Variants in AFG2A observed in about 807,000 individuals in gnomAD.
AFG2A encodes the protein AAA ATPase AFG2A.
At chr4:123,131,970 C>G in the AFG2A span, among the ~76,000 whole-genome samples, 1 of 91,306 alleles carries the variant, frequency 1.1e-5, no homozygotes, top group African/African-American at 2.7e-5. Flanking sequence ...ATTTCTGATT[C>G]TTTTCTTTTT....
chr4:123,177,219 A>G, the AFG2A span, among the ~76,000 whole-genome samples: 12 of 130,720 alleles, frequency 9.2e-5, 1 homozygote, highest in Admixed American at 2.5e-4. Context: ...TTTGAGACGG[A>G]GTCTTACTCT....
chr4:123,048,797 T>TA, the AFG2A span, among the ~76,000 whole-genome samples: 3 of 152,122 alleles, frequency 2.0e-5, no homozygotes, highest in Non-Finnish European at 2.9e-5. Context: ...CATATGAGAT[T>TA]ATGTCATCTG....
the AFG2A span, among the ~76,000 whole-genome samples, chr4:123,194,559 G>A: frequency 6.6e-6 from 1 of 152,104 alleles, no homozygotes; most frequent in Non-Finnish European, 1.5e-5. Flanking sequence ...GTGAGGAAAA[G>A]CAAATCTGTC....
At chr4:123,016,038 G>T in the AFG2A span, among the ~76,000 whole-genome samples, 1 of 16,684 alleles carries the variant, frequency 6.0e-5, no homozygotes, top group African/African-American at 1.1e-4. Context: ...GCGGGGGGCT[G>T]ACCCCCCCAC....
the AFG2A span, among the ~76,000 whole-genome samples, chr4:122,967,543 T>C: frequency 6.6e-6 from 1 of 152,236 alleles, no homozygotes; most frequent in Non-Finnish European, 1.5e-5. Context: ...TCTTTGTGAA[T>C]ACTTTAAATC....
At chr4:122,952,675 A>C in the AFG2A span, among the ~76,000 whole-genome samples, 1 of 152,178 alleles carries the variant, frequency 6.6e-6, no homozygotes, top group African/African-American at 2.4e-5. Context: ...AGAAGTTAGC[A>C]CGATATCATC....
chr4:123,046,696 A>G, the AFG2A span, among the ~76,000 whole-genome samples: 1 of 152,146 alleles, frequency 6.6e-6, no homozygotes, highest in Non-Finnish European at 1.5e-5. Flanking sequence ...AATTGTTGTT[A>G]ACTATGATGT....
At chr4:123,090,619 C>T in the AFG2A span, 1 of 1,614,130 alleles carries the variant, frequency 6.2e-7, no homozygotes, top group Non-Finnish European at 8.5e-7. Context: ...TGTTTTGGCT[C>T]AGCTCTTAAC....
chr4:123,028,371 T>C, the AFG2A span: 128 of 1,613,804 alleles, frequency 7.9e-5, no homozygotes, highest in Non-Finnish European at 8.7e-5. Context: ...CCAATGAGAG[T>C]GGACTGAATT....
the AFG2A span, among the ~76,000 whole-genome samples, chr4:123,226,119 G>A: frequency 1.0e-3 from 155 of 152,232 alleles, no homozygotes; most frequent in Non-Finnish European, 1.7e-3. Flanking sequence ...GGGCTGAGAC[G>A]AAGGGGTTTT....
the AFG2A span, among the ~76,000 whole-genome samples, chr4:123,076,621 TAAAC>T: frequency 2.0e-5 from 3 of 151,598 alleles, no homozygotes; most frequent in African/African-American, 4.8e-5. Flanking sequence ...TGGGGGGTGA[TAAAC>T]AAGTAAACAT....
the AFG2A span, among the ~76,000 whole-genome samples, chr4:123,275,833 T>C: frequency 3.9e-5 from 6 of 152,234 alleles, no homozygotes; most frequent in Non-Finnish European, 8.8e-5. Flanking sequence ...TCTTGTTTTT[T>C]ATGGCTGCGT....
the AFG2A span, among the ~76,000 whole-genome samples, chr4:123,200,946 A>G: frequency 1.3e-5 from 2 of 152,246 alleles, no homozygotes; most frequent in Non-Finnish European, 1.5e-5. Context: ...TTAAAAATAC[A>G]GTTTAGAGAG....
chr4:123,312,043 T>C, the AFG2A span, among the ~76,000 whole-genome samples: 1 of 152,326 alleles, frequency 6.6e-6, no homozygotes, highest in African/African-American at 2.4e-5. Flanking sequence ...ACCCCCGCCC[T>C]GGCCACCATG....
chr4:122,948,387 T>TATACAC, the AFG2A span, among the ~76,000 whole-genome samples: 1 of 129,618 alleles, frequency 7.7e-6, no homozygotes, highest in South Asian at 2.8e-4. Flanking sequence ...CTCCAGAGTA[T>TATACAC]ACACACACAC....
At chr4:123,022,215 C>T in the AFG2A span, among the ~76,000 whole-genome samples, 1 of 151,524 alleles carries the variant, frequency 6.6e-6, no homozygotes, top group Non-Finnish European at 1.5e-5. Context: ...AGAGCTTCTG[C>T]ACAGCAAAAG....
chr4:123,039,368 CA>C, the AFG2A span, among the ~76,000 whole-genome samples: 1 of 152,018 alleles, frequency 6.6e-6, no homozygotes, highest in Non-Finnish European at 1.5e-5. Flanking sequence ...TGATTATTGT[CA>C]GGCCACAGTT....
the AFG2A span, among the ~76,000 whole-genome samples, chr4:123,152,898 G>C: frequency 1.3e-5 from 2 of 152,188 alleles, no homozygotes; most frequent in African/African-American, 4.8e-5. Context: ...AGAAACTTGG[G>C]AGACTGAGAT....
chr4:123,123,115 C>T, the AFG2A span, among the ~76,000 whole-genome samples: 2 of 152,022 alleles, frequency 1.3e-5, no homozygotes, highest in South Asian at 2.1e-4. Context: ...AATATAACTA[C>T]TGCTATAAAA....
Sources: gnomAD v4.1 joint callset for allele counts (sites outside exome capture counted in the v4.1 genomes callset) on GRCh38, gnomAD v4.1.1 for gene constraint, MANE v1.5 for transcripts, NCBI Gene and HGNC (gene_info 2026-07-23, HGNC 2026-07-21) for gene names.